The following KCNMB2 variants were observed in gnomAD, a reference collection of about 807,000 sequenced individuals.
KCNMB2 encodes the protein potassium calcium-activated channel subfamily M regulatory beta subunit 2.
Under a neutral mutation model 24.5 loss-of-function variants are expected in KCNMB2, and 9 were observed. The ratio of observed to expected loss-of-function variants is 0.37; its 90% confidence interval spans 0.22 to 0.64. The LOEUF (loss-of-function observed/expected upper bound fraction) is 0.64, where lower values mean the gene tolerates loss of function less well. Ranked by LOEUF, KCNMB2 falls within the 30% of genes least tolerant of loss-of-function variation. The probability of loss-of-function intolerance (pLI) is 0.63; values close to 1 mark genes in which losing one functional copy is unlikely to be tolerated. For synonymous variants in KCNMB2, 109 were observed against 104.4 expected (o/e 1.04, Z -0.27); for missense variants, 226 against 284.3 (o/e 0.79, Z 1.47).
chr3:178,605,653 A>G (rs557862124), intron 1 of KCNMB2, among the ~76,000 whole-genome samples: 56 of 152,304 alleles, frequency 3.7e-4, no homozygotes, highest in African/African-American at 1.3e-3. Context: ...ATAAACAGCA[A>G]AAGTCAGACA....
At chr3:178,600,160 G>A (rs1718028016) in intron 1 of KCNMB2, among the ~76,000 whole-genome samples, 1 of 152,190 alleles carries the variant, frequency 6.6e-6, no homozygotes, top group African/African-American at 2.4e-5. Flanking sequence ...TTACAGGTAT[G>A]AGCCACTGGG....
intron 1 of KCNMB2, among the ~76,000 whole-genome samples, chr3:178,553,315 T>A (rs1054621172): frequency 6.6e-6 from 1 of 152,152 alleles, no homozygotes; most frequent in African/African-American, 2.4e-5. Flanking sequence ...AGTCTTAATC[T>A]GGATATGTTT....
At chr3:178,595,512 G>A (rs1428856295) in intron 1 of KCNMB2, among the ~76,000 whole-genome samples, 1 of 152,058 alleles carries the variant, frequency 6.6e-6, no homozygotes, top group Non-Finnish European at 1.5e-5. Context: ...GAGGGACCAG[G>A]TGGTGATAAT....
chr3:178,710,082 C>T (rs1722400788), intron 1 of KCNMB2, among the ~76,000 whole-genome samples: 1 of 152,102 alleles, frequency 6.6e-6, no homozygotes, highest in African/African-American at 2.4e-5. Context: ...GATAACCTCC[C>T]ATCCCTGGCA....
chr3:178,591,964 T>C (rs1183605326), intron 1 of KCNMB2, among the ~76,000 whole-genome samples: 10 of 152,124 alleles, frequency 6.6e-5, no homozygotes, highest in Admixed American at 6.6e-4. Flanking sequence ...GCCACCAATG[T>C]TTTTTCTTTT....
intron 1 of KCNMB2, among the ~76,000 whole-genome samples, chr3:178,548,304 T>C (rs969934447): frequency 1.3e-5 from 2 of 152,184 alleles, no homozygotes. Flanking sequence ...GCCCTGGGTT[T>C]CTTCTGCCTA....
At position 178,842,855 on chromosome 3, in the gene KCNMB2, G is replaced by C; in HGVS notation, c.626G>C (p.Gly209Ala). The C allele has an allele frequency of 6.2e-7, 1 of 1,613,948 alleles. No homozygotes were observed. Among genetic ancestry groups the C allele is most frequent in the East Asian group, 2.2e-5 (1 of 44,878 alleles). ...SLFWPTCMMA[G>A]GVAIVAMVKL... ...TTCTGGCCAACCTGTATGATGGCTG[G>C]GGGTGTGGCAATTGTTGCCATGGTG... Residue 209 changes from glycine to alanine, a missense_variant, in exon 5 of 5, where the codon GGG becomes GCG. Gly to Ala is a moderately conservative substitution (Grantham distance 60, BLOSUM62 0). Coordinates refer to ENST00000452583, the MANE Select transcript of KCNMB2 (RefSeq NM_181361.3).
chr3:178,755,772 T>C (rs1301551521), intron 1 of KCNMB2, among the ~76,000 whole-genome samples: 1 of 152,230 alleles, frequency 6.6e-6, no homozygotes, highest in Non-Finnish European at 1.5e-5. Context: ...TCAACTACAA[T>C]ACAACCGTTT....
At chr3:178,761,808 A>G (rs1711898295) in intron 1 of KCNMB2, among the ~76,000 whole-genome samples, 1 of 152,212 alleles carries the variant, frequency 6.6e-6, no homozygotes, top group African/African-American at 2.4e-5. Flanking sequence ...TGGTTGAAGG[A>G]GATACACAAT....
At chr3:178,567,006 A>G (rs1716550599) in intron 1 of KCNMB2, among the ~76,000 whole-genome samples, 1 of 152,234 alleles carries the variant, frequency 6.6e-6, no homozygotes, top group African/African-American at 2.4e-5. Flanking sequence ...TACACAGATT[A>G]ATAAGATGTC....
At position 178,817,821 on chromosome 3, in the gene KCNMB2, A is replaced by G. The variant is rs75394083; in HGVS notation, c.57-7767A>G. Among the ~76,000 whole-genome samples the G allele has an allele frequency of 6.6e-4, 100 of 152,324 alleles. 1 individual carries two copies. In the East Asian group the frequency reaches 0.018, roughly 27 times the overall value. On this transcript the variant is annotated intron_variant, in intron 2 of 4. Coordinates refer to ENST00000452583, the MANE Select transcript of KCNMB2 (RefSeq NM_181361.3). ...CCATTCAGCCTCCCTATAACTGGCT[A>G]TCTCACAACCTATGCTTGTTGTAGC...
chr3:178,677,827 G>T (rs1441617691), intron 1 of KCNMB2, among the ~76,000 whole-genome samples: 1 of 152,162 alleles, frequency 6.6e-6, no homozygotes, highest in African/African-American at 2.4e-5. Context: ...GGTTGGTCAA[G>T]TATGCATATT....
chr3:178,786,381 T>C (rs1713099320), intron 1 of KCNMB2, among the ~76,000 whole-genome samples: 1 of 151,814 alleles, frequency 6.6e-6, no homozygotes, highest in African/African-American at 2.4e-5. Context: ...TGGGATGGAG[T>C]AGTAGTTTAT....
chr3:178,625,029 G>A (rs936170052), intron 1 of KCNMB2, among the ~76,000 whole-genome samples: 2 of 152,156 alleles, frequency 1.3e-5, no homozygotes, highest in Non-Finnish European at 2.9e-5. Flanking sequence ...GCAGGGCAAG[G>A]AGGGCACAGG....
Position 178,665,046 on chromosome 3 carries a change from C to T in KCNMB2, c.-68+128335C>T, listed in dbSNP as rs562723310. Among the ~76,000 whole-genome samples, 174 of 152,208 alleles carry T rather than the reference C, an allele frequency of 1.1e-3. 5 individuals are homozygous for T. In the South Asian group the frequency reaches 0.035, roughly 30 times the overall value. On this transcript the variant is annotated intron_variant, in intron 1 of 4. Coordinates refer to ENST00000452583, the MANE Select transcript of KCNMB2 (RefSeq NM_181361.3). ...CTATAAGAGTTTTTATTACTTGATG[C>T]CACTGAAAGTAAATTAATGGACTCC...
chr3:178,552,778 G>A (rs981776006), intron 1 of KCNMB2, among the ~76,000 whole-genome samples: 1 of 151,984 alleles, frequency 6.6e-6, no homozygotes, highest in Non-Finnish European at 1.5e-5. Context: ...ATTATAATTA[G>A]TATTCAAAAG....
chr3:178,589,944 A>T (rs1717598837), intron 1 of KCNMB2, among the ~76,000 whole-genome samples: 1 of 152,212 alleles, frequency 6.6e-6, no homozygotes, highest in Non-Finnish European at 1.5e-5. Context: ...AAGTCGTAAC[A>T]TTTTAAATTG....
chr3:178,563,079 A>G (rs1716382120), intron 1 of KCNMB2, among the ~76,000 whole-genome samples: 1 of 152,266 alleles, frequency 6.6e-6, no homozygotes, highest in Admixed American at 6.5e-5. Context: ...ACAACTGTGC[A>G]GCATGTGGAA....
intron 1 of KCNMB2, among the ~76,000 whole-genome samples, chr3:178,805,149 T>A (rs996147970): frequency 1.3e-5 from 2 of 152,326 alleles, no homozygotes; most frequent in Admixed American, 6.5e-5. Context: ...AGAGTAGATG[T>A]ATGAATTCTT....
Sources: gnomAD v4.1 joint callset for allele counts (sites outside exome capture counted in the v4.1 genomes callset) on GRCh38, gnomAD v4.1.1 for gene constraint, MANE v1.5 for transcripts, NCBI Gene and HGNC (gene_info 2026-07-23, HGNC 2026-07-21) for gene names.